The following NRCAM variants were observed in gnomAD, a reference collection of about 807,000 sequenced individuals.
NRCAM encodes NgCAM-related cell adhesion molecule.
In NRCAM, 83 loss-of-function variants were observed where a neutral mutation model predicts 156.5. That is an observed-to-expected ratio of 0.53 (90% CI 0.44 to 0.64). The LOEUF (loss-of-function observed/expected upper bound fraction) is 0.64, where lower values mean the gene tolerates loss of function less well. Ranked by LOEUF, NRCAM falls within the 30% of genes least tolerant of loss-of-function variation. The probability of loss-of-function intolerance (pLI) is 0.00; values close to 1 mark genes in which losing one functional copy is unlikely to be tolerated. For missense variants in NRCAM, 1,417 were observed against 1,597.3 expected, an observed-to-expected ratio of 0.89 and a Z score of 1.92; for synonymous variants, 538 against 563.9, an observed-to-expected ratio of 0.95 and a Z score of 0.65.
chr7:108,380,434 TTG>T (rs1438055546), intron 2 of NRCAM, among the ~76,000 whole-genome samples: 1 of 152,216 alleles, frequency 6.6e-6, no homozygotes, highest in Non-Finnish European at 1.5e-5. Context: ...GTTATTTGTT[TTG>T]CTGTTTCTAT....
In NRCAM at chr7:108,180,288, C is replaced by T. The variant is rs1177370135; in HGVS notation, c.2786G>A (p.Arg929Gln). Residue 929 changes from arginine to glutamine, a missense_variant, in exon 25 of 33, where the codon CGA becomes CAA. By Grantham distance (43) the Arg-to-Gln change is conservative (BLOSUM62 1). Around this residue, in one of 2 missense-constraint regions of NRCAM, gnomAD observed 1,238 missense variants for 1,336.4 expected, o/e 0.93. Coordinates refer to ENST00000379028, the MANE Select transcript of NRCAM (RefSeq NM_001037132.4). Reference protein sequence around the residue: ...EPFSHYTLNVRVVNGKGEGPA... With the variant: ...EPFSHYTLNVQVVNGKGEGPA... ...GCCCTCCCCTTTCCCATTGACCACT[C>T]GGACATTCAGTGTGTAGTGGCTAAA... is the stretch of plus-strand genomic sequence containing the variant. 1.9e-6 allele frequency: 3 copies of T among 1,614,196 alleles called. No homozygotes were observed. The highest frequency in any genetic ancestry group is 2.2e-5 in the East Asian group (1 of 44,886).
intron 3 of NRCAM, among the ~76,000 whole-genome samples, chr7:108,274,412 C>T (rs1398451898): frequency 1.3e-5 from 2 of 152,118 alleles, no homozygotes; most frequent in South Asian, 2.1e-4. Flanking sequence ...TCTTTTATTT[C>T]ACTGAGGAGT....
chr7:108,168,668 T>G (rs2056489504), intron 28 of NRCAM, among the ~76,000 whole-genome samples: 1 of 152,194 alleles, frequency 6.6e-6, no homozygotes, highest in African/African-American at 2.4e-5. Flanking sequence ...CAATGTTAAC[T>G]GTTGTCCATT....
intron 1 of NRCAM, among the ~76,000 whole-genome samples, chr7:108,428,873 T>C (rs1189220739): frequency 1.3e-5 from 2 of 152,112 alleles, no homozygotes; most frequent in African/African-American, 2.4e-5. Context: ...AAATCCACAA[T>C]ACTTGGTAAA....
chr7:108,200,261 A>G (rs765172845), intron 13 of NRCAM, among the ~76,000 whole-genome samples: 1 of 152,222 alleles, frequency 6.6e-6, no homozygotes, highest in Non-Finnish European at 1.5e-5. Context: ...AAAGACAAAT[A>G]CAAGTCATAA....
At chr7:108,265,530 C>T (rs541937998) in intron 3 of NRCAM, among the ~76,000 whole-genome samples, 2 of 152,318 alleles carry the variant, frequency 1.3e-5, no homozygotes, top group East Asian at 3.9e-4. Flanking sequence ...CCAAATTACA[C>T]AGGAAAATTT....
chr7:108,174,960 G>A (rs768680901), intron 28 of NRCAM, among the ~76,000 whole-genome samples: 3 of 152,206 alleles, frequency 2.0e-5, no homozygotes, highest in African/African-American at 7.2e-5. Flanking sequence ...CTACCAGGCT[G>A]TTTTCATCAC....
At chr7:108,302,219 T>G (rs937846263) in intron 3 of NRCAM, among the ~76,000 whole-genome samples, 1 of 152,196 alleles carries the variant, frequency 6.6e-6, no homozygotes, top group Non-Finnish European at 1.5e-5. Context: ...TTTTCCTTCA[T>G]TTTTGCTCTT....
At chr7:108,225,394 T>G (rs1217898228) in intron 10 of NRCAM, among the ~76,000 whole-genome samples, 1 of 152,138 alleles carries the variant, frequency 6.6e-6, no homozygotes, top group East Asian at 1.9e-4. Flanking sequence ...TCCAAATCAG[T>G]GAAATGGTTC....
chr7:108,368,853 G>C (rs2099610836), intron 2 of NRCAM, among the ~76,000 whole-genome samples: 2 of 152,058 alleles, frequency 1.3e-5, no homozygotes, highest in South Asian at 4.2e-4. Context: ...TTCTTACATG[G>C]GCAACTAATC....
intron 16 of NRCAM, 42 bp downstream of exon 16, chr7:108,194,220 T>A (rs2073675802): frequency 1.2e-6 from 2 of 1,611,030 alleles, no homozygotes; most frequent in Non-Finnish European, 1.7e-6. Flanking sequence ...GGAGAATTTG[T>A]TCAAAGTCAT....
At chr7:108,156,716 T>C (rs1274057883) in intron 32 of NRCAM, 1 of 152,138 alleles carries the variant, frequency 6.6e-6, no homozygotes, top group Non-Finnish European at 1.5e-5. Flanking sequence ...TGTATGTGTC[T>C]GGTCAGCATA....
chr7:108,172,368 T>G (rs575743142), intron 28 of NRCAM, among the ~76,000 whole-genome samples: 1 of 152,310 alleles, frequency 6.6e-6, no homozygotes, highest in South Asian at 2.1e-4. Flanking sequence ...AGCCTCCAGC[T>G]CACTGCAGCC....
intron 2 of NRCAM, among the ~76,000 whole-genome samples, chr7:108,382,593 A>T (rs1370170144): frequency 6.6e-6 from 1 of 152,078 alleles, no homozygotes; most frequent in African/African-American, 2.4e-5. Flanking sequence ...TAGGCAACAG[A>T]ATGAGACTCC....
intron 3 of NRCAM, among the ~76,000 whole-genome samples, chr7:108,278,814 T>C (rs1435432572): frequency 6.6e-6 from 1 of 152,256 alleles, no homozygotes; most frequent in African/African-American, 2.4e-5. Context: ...CAGTTGGAAA[T>C]GCAGAATGCA....
intron 3 of NRCAM, among the ~76,000 whole-genome samples, chr7:108,267,650 AT>A (rs2097159214): frequency 6.6e-6 from 1 of 152,200 alleles, no homozygotes; most frequent in Non-Finnish European, 1.5e-5. Flanking sequence ...CTGCATTTAA[AT>A]TTTAGCATGT....
intron 1 of NRCAM, among the ~76,000 whole-genome samples, chr7:108,417,460 G>A (rs879871794): frequency 1.1e-4 from 17 of 152,148 alleles, no homozygotes; most frequent in Admixed American, 3.9e-4. Context: ...TAAGGGTGGA[G>A]CCCTCATGGC....
chr7:108,383,156 C>A (rs1336378336), intron 2 of NRCAM, among the ~76,000 whole-genome samples: 2 of 92,434 alleles, frequency 2.2e-5, no homozygotes, highest in African/African-American at 4.0e-5. Flanking sequence ...ACACACACAC[C>A]CCTTGGTGTT....
chr7:108,231,204 A>G lies in NRCAM; in HGVS notation c.428-51T>C. ...AGTTATTTCTGCATTGAAAAGTACAAAAAGAAAGCCCTACAAATAAAGGCA... is the reference window on the plus strand; with the variant it reads ...AGTTATTTCTGCATTGAAAAGTACAGAAAGAAAGCCCTACAAATAAAGGCA... On this transcript the variant is annotated intron_variant, in intron 7 of 32. Coordinates refer to ENST00000379028, the MANE Select transcript of NRCAM (RefSeq NM_001037132.4). The G allele has an allele frequency of 2.8e-6, 4 of 1,409,752 alleles. No homozygotes were observed. The South Asian group carries it at 4.2e-5, about 15-fold the overall frequency. The allele number at this position is 1,409,752 out of a possible 1,614,324, so 87.3% of individuals were successfully genotyped here. A position where few individuals can be genotyped will look rare whatever the true frequency, so the allele number is the denominator to read the frequency against.
Sources: gnomAD v4.1 joint callset for allele counts (sites outside exome capture counted in the v4.1 genomes callset) on GRCh38, gnomAD v4.1.1 for gene constraint, gnomAD v4.1.1 regional missense constraint, MANE v1.5 for transcripts, NCBI Gene and HGNC (gene_info 2026-07-23, HGNC 2026-07-21) for gene names.